The following ANKRD24 variants were observed in gnomAD, a reference collection of about 807,000 sequenced individuals.
The protein encoded by ANKRD24 is ankyrin repeat domain 24, also known as ankyrin repeat domain-containing protein 24.
Under a neutral mutation model 127.8 loss-of-function variants are expected in ANKRD24, and 109 were observed. The ratio of observed to expected loss-of-function variants is 0.85; its 90% CI spans 0.73 to 1.00. The LOEUF (loss-of-function observed/expected upper bound fraction) is 1.00. Ranked by LOEUF, ANKRD24 falls within the 50% of genes least tolerant of loss-of-function variation. ANKRD24 has a pLI of 0.00. For synonymous variants in ANKRD24, 743 were observed against 671.1 expected (o/e 1.11, Z -1.66); for missense variants, 1,648 against 1,570.2 (o/e 1.05, Z -0.84).
At position 4,207,261 on chromosome 19, in the gene ANKRD24, C is replaced by T. The variant is rs1196852545; in HGVS notation, c.486C>T (p.Ser162=). ...TTGCAGCGGCTGGTGGCTGTCTCTC[C>T]TGCTCAGAGGTGCTCTGCTCCTTTA... ...LHHAAAGGCL[S]CSEVLCSFKA... The change falls in exon 8 of 22, where the codon TCC becomes TCT. Residue 162 remains serine (S), a synonymous_variant. Coordinates refer to ENST00000318934, the MANE Select transcript of ANKRD24 (RefSeq NM_001393985.1). 6.2e-7 allele frequency: 1 copy of T among 1,613,834 alleles called. No homozygotes were observed. The highest frequency in any genetic ancestry group is 8.5e-7 in the Non-Finnish European group (1 of 1,179,852).
Position 4,212,582 on chromosome 19 carries a change from C to T in ANKRD24, c.1099-18C>T. The T allele has an allele frequency of 1.3e-6, 2 of 1,549,794 alleles. No homozygotes were observed. Among genetic ancestry groups the T allele is most frequent in the South Asian group, 2.4e-5 (2 of 83,906 alleles). ...CCTTTCCTCCCAGAGGCAGCTGAGC[C>T]TCCACTGCTGCTCCCAGGTGCAAGA... On this transcript the variant is annotated intron_variant, in intron 14 of 21. Coordinates refer to ENST00000318934, the MANE Select transcript of ANKRD24 (RefSeq NM_001393985.1).
intron 2 of ANKRD24, among the ~76,000 whole-genome samples, chr19:4,197,680 A>G (rs936423143): frequency 2.0e-5 from 3 of 152,218 alleles, no homozygotes; most frequent in Non-Finnish European, 4.4e-5. Flanking sequence ...TGAATGGGTG[A>G]GCCCGTGAAT....
intron 15 of ANKRD24, among the ~76,000 whole-genome samples, chr19:4,214,082 TCA>T (rs1365332691): frequency 2.0e-5 from 3 of 152,082 alleles, no homozygotes; most frequent in Non-Finnish European, 4.4e-5. Context: ...GAACACATCA[TCA>T]CACACGCATG....
In ANKRD24 at chr19:4,199,982, G is replaced by T; in HGVS notation, c.231G>T (p.Lys77Asn). 1 of 1,564,900 alleles carries T rather than the reference G, an allele frequency of 6.4e-7. No individual in the cohort carries two copies. ...CCCGCAAGGGGCTGGTGCCCACGAA[G>T]CTAGACCCCGAGGGCAAGTCCGCGT... ...LIARKGLVPT[K>N]LDPEGKSAFH... Residue 77 changes from lysine (K) to asparagine (N), a missense_variant, in exon 4 of 22, where the codon AAG (lysine) becomes AAT (asparagine). Coordinates refer to ENST00000318934, the MANE Select transcript of ANKRD24 (RefSeq NM_001393985.1). This position sits in a 1 kb window ranked among gnomAD's most constrained non-coding sequence, Gnocchi z 5.2.
chr19:4,193,838 A>AGGGC (rs1968524829), intron 2 of ANKRD24, among the ~76,000 whole-genome samples: 1 of 23,482 alleles, frequency 4.3e-5, no homozygotes, highest in Non-Finnish European at 1.1e-4. Context: ...CTCCGTCGGG[A>AGGGC]GGGAGGGAGG....
chr19:4,216,982 G>A lies in ANKRD24; in HGVS notation c.1822G>A (p.Glu608Lys), dbSNP rs749428117. The A allele has an allele frequency of 2.5e-6, 4 of 1,613,316 alleles. No homozygotes were observed. The African/African-American group carries it at 4.0e-5, about 16-fold the overall frequency. ...AAAACCCACAGGGGCTGAGGTCAGA[G>A]AAATGGAGACCACAGAAGAAGAAGC... ...ETKPTGAEVR[E>K]METTEEEANM... The change falls in exon 18 of 22, where the codon GAA becomes AAA. Residue 608 changes from glutamate to lysine, a missense_variant. Physicochemically the swap from Glu to Lys is moderately conservative, Grantham distance 56. Transcript: ENST00000318934.
rs1018409559 is a variant in ANKRD24 at position 4,198,240 on chromosome 19, C to T, written c.37-1443C>T. On this transcript the variant is annotated intron_variant, in intron 2 of 21. Coordinates refer to ENST00000318934, the MANE Select transcript of ANKRD24 (RefSeq NM_001393985.1). The surrounding 1 kb of genome is among the most constrained non-coding windows in gnomAD (Gnocchi z 6.1). Reference sequence around the variant, plus strand: ...GTCAGGAGGGGCCGGGGCGGCGCCCCTTCCCTCAGCCCCCAGCCCCCAGCC... The same window carrying T: ...GTCAGGAGGGGCCGGGGCGGCGCCCTTTCCCTCAGCCCCCAGCCCCCAGCC... 1 of 502,738 alleles carries T rather than the reference C, an allele frequency of 2.0e-6. No homozygotes were observed. The highest frequency in any genetic ancestry group is 3.5e-6 in the Non-Finnish European group (1 of 286,352). 31.1% of individuals were successfully genotyped at this position (502,738 alleles called of 1,614,324 possible).
chr19:4,202,177 A>G lies in ANKRD24; in HGVS notation c.408+87A>G. On this transcript the variant is annotated intron_variant, in intron 6 of 21. Transcript: ENST00000318934. ...TCCTTGAACCCCCAGATGCTCTATG[A>G]ATCCTAGATATTCCTTGGCCCCTTT... 2.4e-6 allele frequency: 3 copies of G among 1,247,826 alleles called. No individual in the cohort carries two copies. In the Admixed American group the frequency reaches 5.2e-5, roughly 22 times the overall value. The allele number at this position is 1,247,826 out of a possible 1,614,324, so 77.3% of individuals were successfully genotyped here.
At chr19:4,222,634 G>T (rs757319324) in intron 19 of ANKRD24, 36 bp from the exon 20 acceptor site, 24 of 1,576,888 alleles carry the variant, frequency 1.5e-5, no homozygotes, top group Non-Finnish European at 1.9e-5. Flanking sequence ...CCAGCTCTGG[G>T]CTTAGGGTGA....
chr19:4,203,018 C>A, intron 7 of ANKRD24, 92 bp downstream of exon 7: 2 of 1,052,042 alleles, frequency 1.9e-6, no homozygotes, highest in Non-Finnish European at 2.7e-6. Context: ...ACCTGACCTG[C>A]TGTGAAGCTT....
At chr19:4,222,299 G>A (rs914143429) in intron 19 of ANKRD24, among the ~76,000 whole-genome samples, 8 of 152,202 alleles carry the variant, frequency 5.3e-5, no homozygotes, top group African/African-American at 1.9e-4. Flanking sequence ...TGAGGCAGGA[G>A]AATTGCTTGA....
chr19:4,201,915 A>T (rs1969115073), intron 5 of ANKRD24, 111 bp from the exon 6 acceptor site: 1 of 924,292 alleles, frequency 1.1e-6, no homozygotes, highest in South Asian at 1.4e-5. Flanking sequence ...ACTAGGGTTT[A>T]CGGACTTTGC....
chr19:4,185,966 T>C (rs2145206351), intron 1 of ANKRD24, among the ~76,000 whole-genome samples: 1 of 152,112 alleles, frequency 6.6e-6, no homozygotes, highest in African/African-American at 2.4e-5. Context: ...CTTTGAAGGA[T>C]GAGTAGGAGT....
intron 20 of ANKRD24, 80 bp from the exon 21 acceptor site, chr19:4,224,047 G>A: frequency 2.6e-6 from 3 of 1,170,304 alleles, no homozygotes; most frequent in Non-Finnish European, 3.7e-6. Flanking sequence ...GGCTTGGGGT[G>A]CAAAGGGTGC....
chr19:4,208,153 G>C (rs1969503236), intron 10 of ANKRD24, among the ~76,000 whole-genome samples, 185 bp downstream of exon 10: 2 of 152,010 alleles, frequency 1.3e-5, no homozygotes, highest in Non-Finnish European at 1.5e-5. Context: ...GTCTGGGAGG[G>C]GGTCTGCTTC....
At position 4,198,125 on chromosome 19, in the gene ANKRD24, G is replaced by C; in HGVS notation, c.37-1558G>C. 1 of 501,172 alleles carries C rather than the reference G, an allele frequency of 2.0e-6. No homozygotes were observed. Among genetic ancestry groups the C allele is most frequent in the South Asian group, 2.7e-5 (1 of 36,932 alleles). 31.0% of individuals were successfully genotyped at this position (501,172 alleles called of 1,614,324 possible). A position where few individuals can be genotyped will look rare whatever the true frequency, so the allele number is the denominator to read the frequency against. On this transcript the variant is annotated intron_variant, in intron 2 of 21. Coordinates refer to ENST00000318934, the MANE Select transcript of ANKRD24 (RefSeq NM_001393985.1). This position sits in a 1 kb window ranked among gnomAD's most constrained non-coding sequence, Gnocchi z 6.1. ...TCGGAGGAGGTGGAGATGGACGCCC[G>C]CGGGTCCCCTGGAGATGCAGCCGGC...
At chr19:4,223,372 C>CATACATATATATATATAT (rs1490877860) in intron 20 of ANKRD24, among the ~76,000 whole-genome samples, 11 of 72,904 alleles carry the variant, frequency 1.5e-4, no homozygotes, top group African/African-American at 7.6e-4. Flanking sequence ...CCTGGCCATA[C>CATACATATATATATATAT]ATATATATAT....
intron 1 of ANKRD24, among the ~76,000 whole-genome samples, chr19:4,183,115 A>G (rs1344733306): frequency 1.3e-5 from 2 of 151,916 alleles, no homozygotes; most frequent in Non-Finnish European, 2.9e-5. Context: ...AGTAGCTGGG[A>G]TTACAGGCGC....
At chr19:4,220,563 G>GT (rs533041817) in intron 19 of ANKRD24, among the ~76,000 whole-genome samples, 27 of 151,984 alleles carry the variant, frequency 1.8e-4, no homozygotes, top group African/African-American at 5.8e-4. Context: ...TTGTTGTTTT[G>GT]TTTTTTTCTG....
Sources: allele counts gnomAD v4.1 joint callset (sites outside exome capture counted in the v4.1 genomes callset), GRCh38; gene constraint gnomAD v4.1.1; non-coding constraint Gnocchi (gnomAD v3.1); transcripts MANE v1.5; gene names NCBI Gene and HGNC (gene_info 2026-07-23, HGNC 2026-07-21).